CATSPERG: variants seen among roughly 807,000 people sequenced by gnomAD.
The protein encoded by CATSPERG is catsper channel auxiliary subunit gamma.
In CATSPERG, 115 loss-of-function variants were observed where a neutral mutation model predicts 145.0. The ratio of observed to expected loss-of-function variants is 0.79; its 90% confidence interval spans 0.68 to 0.93. The LOEUF is 0.93. CATSPERG is among the 40% of genes least tolerant of loss of function. CATSPERG has a pLI of 0.00. For missense variants in CATSPERG, 1,296 were observed against 1,490.1 expected (o/e 0.87, Z 2.14); for synonymous variants, 588 against 589.0 (o/e 1.00, Z 0.02).
chr19:38,362,733 T>A lies in CATSPERG; in HGVS notation c.2376T>A (p.His792Gln). The A allele has an allele frequency of 5.6e-6, 9 of 1,614,100 alleles. No homozygotes were observed. Among genetic ancestry groups the A allele is most frequent in the Non-Finnish European group, 7.6e-6 (9 of 1,179,986 alleles). ...GAGCAGGCACCGCCTTCCAGCTGCA[T>A]AGCCAGGTGGACGTGGGCGTGGTGC... ...QSELGTAFQLHSQVDVGVVLA... is the reference protein window; with the variant it reads ...QSELGTAFQLQSQVDVGVVLA... Residue 792 changes from histidine to glutamine, a missense_variant, in exon 20 of 29, where the codon CAT (histidine) becomes CAA (glutamine). Transcript: ENST00000409235.
chr19:38,358,595 T>TA, intron 13 of CATSPERG, 34 bp downstream of exon 13: 1 of 1,613,542 alleles, frequency 6.2e-7, no homozygotes, highest in Non-Finnish European at 8.5e-7. Flanking sequence ...GGGCCAGGCA[T>TA]ACTCTGTCTC....
intron 13 of CATSPERG, among the ~76,000 whole-genome samples, chr19:38,358,960 C>A (rs1295557733): frequency 6.6e-6 from 1 of 152,130 alleles, no homozygotes. Flanking sequence ...AGCGATTCTC[C>A]TGCATCAGAC....
At chr19:38,367,383 C>G in intron 23 of CATSPERG, 71 bp downstream of exon 23, 2 of 1,570,480 alleles carry the variant, frequency 1.3e-6, no homozygotes, top group Admixed American at 1.7e-5. Flanking sequence ...CTCTCCCTCC[C>G]CATTCCTCTC....
At chr19:38,360,027 TC>T (rs1970316475) in intron 14 of CATSPERG, 1 of 984,648 alleles carries the variant, frequency 1.0e-6, no homozygotes, top group Non-Finnish European at 1.2e-6. Context: ...CTGGAGGGGA[TC>T]CCCCAGGTTG....
rs868057959 is a variant in CATSPERG, at chr19:38,365,106, C to A, written c.2602C>A (p.Pro868Thr). ...CTGCTTCCAGGAAACACACCTGGGGCCCCATATGCAAGTATTGGAGCTTGG... is the reference window on the plus strand; with the variant it reads ...CTGCTTCCAGGAAACACACCTGGGGACCCATATGCAAGTATTGGAGCTTGG... ...GLCFQETHLG[P>T]HMQGNLMVPV... The change falls in exon 22 of 29, where the codon CCC becomes ACC. Residue 868 changes from proline to threonine, a missense_variant. Pro to Thr is a conservative substitution (Grantham distance 38). Transcript: ENST00000409235. The A allele has an allele frequency of 3.1e-6, 5 of 1,613,474 alleles. No homozygotes were observed. The Admixed American group carries it at 6.7e-5, about 22-fold the overall frequency.
chr19:38,362,261 AAAC>A lies in CATSPERG; in HGVS notation c.2149_2151del (p.Gln717del), dbSNP rs774535997. On this transcript the variant is annotated inframe_deletion, in exon 18 of 29. Transcript: ENST00000409235. Reference sequence around the variant, plus strand: ...CACCTGGCGCTGGTGGGCGAACAACAAACAAGACCAGGTAGGCGGAGCGGATTG... The same window carrying A: ...CACCTGGCGCTGGTGGGCGAACAACAAAGACCAGGTAGGCGGAGCGGATTG... The A allele has an allele frequency of 1.3e-5, 21 of 1,613,154 alleles. No homozygotes were observed. Among genetic ancestry groups the A allele is most frequent in the Non-Finnish European group, 1.7e-5 (20 of 1,179,598 alleles).
chr19:38,360,606 A>C lies in CATSPERG; in HGVS notation c.1726A>C (p.Thr576Pro). The C allele has an allele frequency of 6.2e-7, 1 of 1,614,194 alleles. No individual in the cohort carries two copies. Among genetic ancestry groups the C allele is most frequent in the Non-Finnish European group, 8.5e-7 (1 of 1,180,018 alleles). ...QQSSLYASNE[T>P]MLTLFYEDSK... is the part of the protein sequence containing the mutation. ...GTCCTCTCTCTACGCATCCAATGAG[A>C]CCATGCTGACCCTCTTCTACGAAGA... Residue 576 changes from threonine (T) to proline (P), a missense_variant, in exon 15 of 29, where the codon ACC becomes CCC. Transcript: ENST00000409235.
intron 7 of CATSPERG, chr19:38,349,353 A>T (rs1970095432): frequency 6.6e-6 from 1 of 152,070 alleles, no homozygotes; most frequent in African/African-American, 2.4e-5. Flanking sequence ...CTTGGTCTTG[A>T]ACTCCTGACC....
chr19:38,359,803 CG>C (rs1970312809), intron 14 of CATSPERG: 1 of 1,288,708 alleles, frequency 7.8e-7, no homozygotes, highest in African/African-American at 1.5e-5. Context: ...TGTTCAGAGG[CG>C]GCCCTCTTTC....
At chr19:38,353,707 A>G (rs1421466470) in intron 8 of CATSPERG, among the ~76,000 whole-genome samples, 2 of 148,614 alleles carry the variant, frequency 1.3e-5, no homozygotes, top group Non-Finnish European at 3.0e-5. Context: ...AAAAAAAAAA[A>G]AAAAAAAGAA....
intron 19 of CATSPERG, 23 bp from the exon 20 acceptor site, chr19:38,362,691 A>G: frequency 6.2e-7 from 1 of 1,612,862 alleles, no homozygotes; most frequent in African/African-American, 1.3e-5. Context: ...GGAGGCCTTA[A>G]CCCCGTTTAC....
Position 38,360,485 on chromosome 19 carries a change from G to A in CATSPERG, c.1609-4G>A, listed in dbSNP as rs372322832. On this transcript the variant is annotated splice_region_variant and splice_polypyrimidine_tract_variant and intron_variant, in intron 14 of 28. Coordinates refer to ENST00000409235, the MANE Select transcript of CATSPERG (RefSeq NM_021185.5). ...ACACACACATCCGGCTGTCATACCC[G>A]CAGATCTGGTACCTCCTGGAGGGCA... The A allele has an allele frequency of 6.8e-6, 11 of 1,613,848 alleles. No individual in the cohort carries two copies. Among genetic ancestry groups the A allele is most frequent in the Admixed American group, 1.7e-5 (1 of 60,018 alleles).
chr19:38,362,362 A>G lies in CATSPERG; in HGVS notation c.2158-14A>G. On this transcript the variant is annotated splice_polypyrimidine_tract_variant and intron_variant, in intron 18 of 28. Transcript: ENST00000409235. ...CCCCGGCGCTGACTCTGCCCCGCGC[A>G]TCCGGTACCCCAGGATTACTACTTC... 1 of 1,614,098 alleles carries G rather than the reference A, an allele frequency of 6.2e-7. No individual in the cohort carries two copies. Among genetic ancestry groups the G allele is most frequent in the East Asian group, 2.2e-5 (1 of 44,870 alleles).
chr19:38,354,714 T>C lies in CATSPERG; in HGVS notation c.1002T>C (p.Ser334=). ...TLYERNRGSG[S]WIRVLASECI... ...GCCCCATACTGACTTCACTAGGCAGTTGGATTCGTGTCCTGGCCAGCGAGT... is the reference window on the plus strand; with the variant it reads ...GCCCCATACTGACTTCACTAGGCAGCTGGATTCGTGTCCTGGCCAGCGAGT... Residue 334 remains serine (S), a synonymous_variant, in exon 9 of 29, where the codon AGT becomes AGC. Coordinates refer to ENST00000409235, the MANE Select transcript of CATSPERG (RefSeq NM_021185.5). 5 of 1,614,016 alleles carry C rather than the reference T, an allele frequency of 3.1e-6. No individual in the cohort carries two copies. The highest frequency in any genetic ancestry group is 4.2e-6 in the Non-Finnish European group (5 of 1,179,908).
rs531661972 is a variant in CATSPERG, at chr19:38,343,945, G to A, written c.470-48G>A. 2.3e-5 allele frequency: 36 copies of A among 1,543,434 alleles called. 1 individual carries two copies. Among genetic ancestry groups the A allele is most frequent in the South Asian group, 1.7e-4 (14 of 83,764 alleles). ...CCAGGGTGGTCTGGGGCCTGGAACC[G>A]GCCATTGGGAGGCCCCAGCAGTTTC... is the stretch of plus-strand genomic sequence containing the variant. On this transcript the variant is annotated intron_variant, in intron 4 of 28. Transcript: ENST00000409235.
In CATSPERG at chr19:38,359,903, G is replaced by A. The variant is rs933637728; in HGVS notation, c.1608+322G>A. 53 of 1,062,292 alleles carry A rather than the reference G, an allele frequency of 5.0e-5. No individual in the cohort carries two copies. In the African/African-American group the frequency reaches 5.5e-4, roughly 11 times the overall value. The allele number at this position is 1,062,292 out of a possible 1,614,324, so 65.8% of individuals were successfully genotyped here. A position where few individuals can be genotyped will look rare whatever the true frequency, so the allele number is the denominator to read the frequency against. ...TGGAGAACACAGAGTGATCAGGGCT[G>A]CAATGGGGAAAATATTACCTATGGA... is the stretch of plus-strand genomic sequence containing the variant. On this transcript the variant is annotated intron_variant, in intron 14 of 28. Coordinates refer to ENST00000409235, the MANE Select transcript of CATSPERG (RefSeq NM_021185.5).
chr19:38,358,487 A>C lies in CATSPERG; in HGVS notation c.1422A>C (p.Ala474=), dbSNP rs1310121055. 3 of 1,614,100 alleles carry C rather than the reference A, an allele frequency of 1.9e-6. No homozygotes were observed. Among genetic ancestry groups the C allele is most frequent in the Non-Finnish European group, 2.5e-6 (3 of 1,180,038 alleles). Residue 474 remains alanine (A), a synonymous_variant, in exon 13 of 29, where the codon GCA becomes GCC. Transcript: ENST00000409235. ...GGACAGAGTCCTACACCAGCACTGC[A>C]ATGGCCCCCAAGGGCATCTTCTGTA... ...ILGTESYTST[A]MAPKGIFCNP...
chr19:38,366,231 G>T (rs1208571203), intron 22 of CATSPERG: 1 of 152,288 alleles, frequency 6.6e-6, no homozygotes, highest in Non-Finnish European at 1.5e-5. Context: ...GTAGAGGAGG[G>T]GCGTGCCCCA....
At chr19:38,350,229 A>T (rs149952839) in intron 7 of CATSPERG, among the ~76,000 whole-genome samples, 1,959 of 152,308 alleles carry the variant, frequency 0.013, 20 homozygotes, top group South Asian at 0.029. Context: ...ATCACCAAAA[A>T]ATATGGGGAA....
Sources: gnomAD v4.1 joint callset for allele counts (sites outside exome capture counted in the v4.1 genomes callset) on GRCh38, gnomAD v4.1.1 for gene constraint, MANE v1.5 for transcripts, NCBI Gene and HGNC (gene_info 2026-07-23, HGNC 2026-07-21) for gene names.